Variants in ETNPPL observed in about 807,000 individuals in gnomAD.
ETNPPL encodes the protein ethanolamine-phosphate phospho-lyase, also known as alanine--glyoxylate aminotransferase 2-like 1.
A neutral mutation model predicts 55.5 loss-of-function variants in ETNPPL; 30 were observed. That is an observed-to-expected ratio of 0.54 (90% CI 0.40 to 0.73). The LOEUF is 0.73. Ranked by LOEUF, ETNPPL falls within the 30% of genes least tolerant of loss-of-function variation. The probability of loss-of-function intolerance (pLI) is 0.00; values close to 1 mark genes in which losing one functional copy is unlikely to be tolerated. For synonymous variants in ETNPPL, 202 were observed against 207.2 expected (o/e 0.98, Z 0.21); for missense variants, 528 against 607.9 (o/e 0.87, Z 1.38).
chr4:108,756,487 T>C lies in ETNPPL; in HGVS notation c.341A>G (p.Glu114Gly). 6.2e-7 allele frequency: 1 copy of C among 1,613,076 alleles called. No individual in the cohort carries two copies. Among genetic ancestry groups the C allele is most frequent in the Non-Finnish European group, 8.5e-7 (1 of 1,179,020 alleles). ...CAGGCGTAAGGCTAAGTCGTTGGCT[T>C]CGGATCTATTAAGATAACATAGAGA... ...SVCYFTNSGS[E>G]ANDLALRLAR... Residue 114 changes from glutamate (E) to glycine (G), a missense_variant, in exon 4 of 13, where the codon GAA becomes GGA. By Grantham distance (98) the Glu-to-Gly change is moderately conservative (BLOSUM62 -2). Coordinates refer to ENST00000296486, the MANE Select transcript of ETNPPL (RefSeq NM_031279.4).
chr4:108,755,633 A>G (rs543772892), intron 4 of ETNPPL, among the ~76,000 whole-genome samples: 1 of 152,348 alleles, frequency 6.6e-6, no homozygotes, highest in South Asian at 2.1e-4. Context: ...CCTGGCCAAC[A>G]TGGTGAAAAC....
chr4:108,749,092 T>C, intron 8 of ETNPPL, 146 bp downstream of exon 8: 1 of 564,484 alleles, frequency 1.8e-6, no homozygotes, highest in Non-Finnish European at 3.1e-6. Flanking sequence ...ATTTAAGATG[T>C]TTTATTAAAA....
chr4:108,758,357 C>G (rs1002879990), intron 3 of ETNPPL, among the ~76,000 whole-genome samples: 3 of 152,106 alleles, frequency 2.0e-5, no homozygotes, highest in Non-Finnish European at 2.9e-5. Flanking sequence ...TAATATTGCA[C>G]TTTAAGCACA....
intron 3 of ETNPPL, among the ~76,000 whole-genome samples, chr4:108,758,006 CTTTT>C (rs11307616): frequency 7.7e-5 from 9 of 116,722 alleles, no homozygotes; most frequent in Admixed American, 9.0e-5. Flanking sequence ...ATATTTCTTT[CTTTT>C]TTTTTTTTTT....
chr4:108,758,889 A>G (rs1729362955), intron 3 of ETNPPL, among the ~76,000 whole-genome samples: 2 of 152,122 alleles, frequency 1.3e-5, no homozygotes, highest in Non-Finnish European at 2.9e-5. Flanking sequence ...CATCTCTACT[A>G]GAATACAAAA....
intron 3 of ETNPPL, 143 bp from the exon 4 acceptor site, chr4:108,756,635 G>C: frequency 1.6e-6 from 1 of 638,892 alleles, no homozygotes; most frequent in Non-Finnish European, 2.8e-6. Flanking sequence ...TCAGAAGTTA[G>C]AGACCAGATT....
Position 108,754,685 on chromosome 4 carries a change from A to C in ETNPPL, c.436T>G (p.Leu146Val), listed in dbSNP as rs753801711. 1.0e-5 allele frequency: 16 copies of C among 1,596,942 alleles called. No homozygotes were observed. Among genetic ancestry groups the C allele is most frequent in the Non-Finnish European group, 1.4e-5 (16 of 1,166,362 alleles). Residue 146 changes from leucine (L) to valine (V), a missense_variant, in exon 5 of 13, where the codon TTA becomes GTA. Leu to Val is a conservative substitution (Grantham distance 32, BLOSUM62 1). Transcript: ENST00000296486. ...DHAYHGHLSS[L>V]IEISPYKFQK... ...AACTTATATGGGCTAATCTCAATTA[A>C]GGATGATAGGTGACCATGGTAAGCA...
intron 11 of ETNPPL, among the ~76,000 whole-genome samples, chr4:108,745,988 C>T (rs1728472279): frequency 6.7e-6 from 1 of 148,516 alleles, no homozygotes; most frequent in Non-Finnish European, 1.5e-5. Context: ...TAGCAAAGAA[C>T]TGTCACACTG....
chr4:108,752,876 C>T lies in ETNPPL; in HGVS notation c.618+19G>A, dbSNP rs979234834. 1 of 1,375,186 alleles carries T rather than the reference C, an allele frequency of 7.3e-7. No individual in the cohort carries two copies. Among genetic ancestry groups the T allele is most frequent in the Admixed American group, 1.8e-5 (1 of 55,620 alleles). 85.2% of individuals were successfully genotyped at this position (1,375,186 alleles called of 1,614,324 possible). ...TTTATAAAAGATGTTGAGATGTTTC[C>T]AAAGCTATAAATACAAACCTTCCTT... On this transcript the variant is annotated intron_variant, in intron 6 of 12. Coordinates refer to ENST00000296486, the MANE Select transcript of ETNPPL (RefSeq NM_031279.4).
rs1267801279 is a variant in ETNPPL, at chr4:108,762,955, A to T, written c.-57T>A. The stretch of plus-strand genomic sequence containing the variant: ...AAGGTGCAAGGTCTGCGCGCCTCCT[A>T]CGCGAGCCTGGGACTGCCTTGGCGG... On this transcript the variant is annotated 5_prime_UTR_variant, in exon 1 of 13. Transcript: ENST00000296486. The T allele has an allele frequency of 1.3e-6, 2 of 1,561,338 alleles. No individual in the cohort carries two copies. Among genetic ancestry groups the T allele is most frequent in the African/African-American group, 2.7e-5 (2 of 73,684 alleles).
In ETNPPL at chr4:108,743,677, G is replaced by C; in HGVS notation, c.1371+112C>G. ...GCAACAATAAGTGAACCTAATACAG[G>C]CTGGCATTGTTCTAATGGTCACTGC... On this transcript the variant is annotated intron_variant, in intron 12 of 12. Coordinates refer to ENST00000296486, the MANE Select transcript of ETNPPL (RefSeq NM_031279.4). 3 of 761,846 alleles carry C rather than the reference G, an allele frequency of 3.9e-6. No individual in the cohort carries two copies. The South Asian group carries it at 4.6e-5, about 12-fold the overall frequency. 47.2% of individuals were successfully genotyped at this position (761,846 alleles called of 1,614,324 possible).
chr4:108,753,320 TG>T (rs1729001687), intron 5 of ETNPPL, among the ~76,000 whole-genome samples: 1 of 152,176 alleles, frequency 6.6e-6, no homozygotes. Context: ...GAATGGAAAC[TG>T]TATTAACTAG....
intron 1 of ETNPPL, chr4:108,762,580 G>A (rs918935113): frequency 4.8e-6 from 3 of 627,472 alleles, no homozygotes. Flanking sequence ...TAGCCGGCCG[G>A]CAGCCCCCGC....
At chr4:108,755,853 A>T (rs1482946067) in intron 4 of ETNPPL, among the ~76,000 whole-genome samples, 1 of 146,306 alleles carries the variant, frequency 6.8e-6, no homozygotes, top group Non-Finnish European at 1.5e-5. Context: ...AACTCTAATA[A>T]AGATGGAAGT....
chr4:108,747,213 ATATATATATATT>A (rs1728630948), intron 9 of ETNPPL, among the ~76,000 whole-genome samples: 1 of 5,432 alleles, frequency 1.8e-4, no homozygotes, highest in African/African-American at 1.3e-3. Context: ...TATATAATAT[ATATATATATATT>A]ATATATATAT....
At chr4:108,753,885 T>C (rs149057086) in intron 5 of ETNPPL, among the ~76,000 whole-genome samples, 44 of 151,876 alleles carry the variant, frequency 2.9e-4, no homozygotes, top group Non-Finnish European at 1.0e-4. Context: ...TTTCACCTTT[T>C]CAACAACTTG....
chr4:108,757,398 A>G (rs1475822547), intron 3 of ETNPPL, among the ~76,000 whole-genome samples: 1 of 152,216 alleles, frequency 6.6e-6, no homozygotes, highest in African/African-American at 2.4e-5. Context: ...TCAGAGAGGT[A>G]AAGTAATCAG....
intron 3 of ETNPPL, among the ~76,000 whole-genome samples, chr4:108,757,059 T>TAGGC (rs2125680490): frequency 6.6e-6 from 1 of 152,276 alleles, no homozygotes; most frequent in East Asian, 1.9e-4. Context: ...TTAGTCTAGT[T>TAGGC]CAGCCACATA....
intron 8 of ETNPPL, 100 bp downstream of exon 8, chr4:108,749,138 G>T: frequency 1.2e-6 from 1 of 824,402 alleles, no homozygotes. Context: ...TGGGTGGTTA[G>T]CCGGCAATAC....
Sources: allele counts gnomAD v4.1 joint callset (sites outside exome capture counted in the v4.1 genomes callset), GRCh38; gene constraint gnomAD v4.1.1; transcripts MANE v1.5; gene names NCBI Gene and HGNC (gene_info 2026-07-23, HGNC 2026-07-21).